The following C1orf141 variants were observed in gnomAD, a reference collection of about 807,000 sequenced individuals.
The protein encoded by C1orf141 is uncharacterized protein C1orf141.
Under a neutral mutation model 23.2 loss-of-function variants are expected in C1orf141, and 19 were observed. The ratio of observed to expected loss-of-function variants is 0.82; its 90% CI spans 0.57 to 1.20. The LOEUF (loss-of-function observed/expected upper bound fraction) is 1.20. Among genes scored for constraint, C1orf141 ranks in the 50% most tolerant of loss-of-function variants. C1orf141 has a pLI of 0.00. For synonymous variants in C1orf141, 153 were observed against 154.6 expected (o/e 0.99, Z 0.08); for missense variants, 469 against 455.1 (o/e 1.03, Z -0.28).
upstream of C1orf141, among the ~76,000 whole-genome samples, chr1:67,136,733 A>T (rs142865912): frequency 9.0e-3 from 1,364 of 152,282 alleles, 22 homozygotes; most frequent in African/African-American, 0.031. Context: ...ATTATCTTTG[A>T]TTTTAGAAAA....
chr1:67,129,039 T>C (rs909793603), intron 2 of C1orf141, among the ~76,000 whole-genome samples: 3 of 152,132 alleles, frequency 2.0e-5, no homozygotes, highest in African/African-American at 7.2e-5. Context: ...TCCTTCACCA[T>C]ACATTGCCCT....
At chr1:67,093,870 C>T (rs770733578) in intron 7 of C1orf141, 28 of 209,636 alleles carry the variant, frequency 1.3e-4, no homozygotes, top group Middle Eastern at 1.7e-3. Context: ...AATTGGAATA[C>T]GAAAAAATTA....
chr1:67,112,314 A>G (rs1646090664), intron 5 of C1orf141, among the ~76,000 whole-genome samples: 2 of 152,208 alleles, frequency 1.3e-5, no homozygotes, highest in African/African-American at 4.8e-5. Context: ...TTGTTGATCA[A>G]CTATATGCCA....
intron 4 of C1orf141, chr1:67,123,523 A>T (rs1350773322): frequency 6.6e-6 from 1 of 152,174 alleles, no homozygotes; most frequent in Non-Finnish European, 1.5e-5. Flanking sequence ...TAACTAAATT[A>T]TAAATTCTGC....
intron 1 of C1orf141, among the ~76,000 whole-genome samples, chr1:67,133,035 A>G (rs2102511925): frequency 6.6e-6 from 1 of 152,388 alleles, no homozygotes; most frequent in South Asian, 2.1e-4. Flanking sequence ...GTAGGTCAAT[A>G]TTATTAGCAT....
intron 3 of C1orf141, among the ~76,000 whole-genome samples, chr1:67,126,336 A>T (rs1329904941): frequency 6.6e-6 from 1 of 152,222 alleles, no homozygotes; most frequent in Non-Finnish European, 1.5e-5. Flanking sequence ...CCAGAAATAG[A>T]GTGAAGAAAG....
intron 5 of C1orf141, among the ~76,000 whole-genome samples, chr1:67,107,977 T>TA (rs1645970970): frequency 6.6e-6 from 1 of 152,144 alleles, no homozygotes; most frequent in African/African-American, 2.4e-5. Context: ...CCTGCCCTCA[T>TA]ATCCTAAAGT....
At chr1:67,102,584 G>A (rs1051432537) in intron 5 of C1orf141, 1 of 152,104 alleles carries the variant, frequency 6.6e-6, no homozygotes, top group Non-Finnish European at 1.5e-5. Context: ...GCAAGGATAG[G>A]AGGACAAGCT....
At position 67,125,810 on chromosome 1, in the gene C1orf141, AC is replaced by A. The variant is rs762356737; in HGVS notation, c.174del (p.Ser59LeufsTer40). 7 of 1,613,906 alleles carry A rather than the reference AC, an allele frequency of 4.3e-6. No homozygotes were observed. In the Admixed American group the frequency reaches 1.0e-4, roughly 23 times the overall value. On this transcript the variant is annotated frameshift_variant, in exon 4 of 8. Transcript: ENST00000684719. LOFTEE classifies it high-confidence loss of function. ...TCTTTGATCTTTGATATTGCCTTAGACGCGGATGTAGCAAGAGCTTCTTCAA... is the reference window on the plus strand; with the variant it reads ...TCTTTGATCTTTGATATTGCCTTAGAGCGGATGTAGCAAGAGCTTCTTCAA... Reference protein sequence around the residue: ...LEFEEALATSASKAISKIKED... With the variant: ...LEFEEALATSXSKAISKIKED...
Position 67,095,951 on chromosome 1 carries a change from A to C in C1orf141, c.416+301T>G, listed in dbSNP as rs370319275. The stretch of plus-strand genomic sequence containing the variant: ...GGAAGGGTTCATGAGAAAAATGAGA[A>C]CTTTATCCAAAGAAAAGCTACTTTT... On this transcript the variant is annotated intron_variant, in intron 6 of 7. Transcript: ENST00000684719. 9 of 211,470 alleles carry C rather than the reference A, an allele frequency of 4.3e-5. 1 individual carries two copies. In the East Asian group the frequency reaches 7.2e-4, roughly 17 times the overall value. The allele number at this position is 211,470 out of a possible 1,614,324, so 13.1% of individuals were successfully genotyped here. A position where few individuals can be genotyped will look rare whatever the true frequency, so the allele number is the denominator to read the frequency against.
At chr1:67,132,853 G>A (rs1646539628) in intron 1 of C1orf141, among the ~76,000 whole-genome samples, 1 of 152,160 alleles carries the variant, frequency 6.6e-6, no homozygotes, top group African/African-American at 2.4e-5. Context: ...TTGGATTTAT[G>A]TTCTTAATTT....
chr1:67,100,139 T>C (rs1645764957), intron 5 of C1orf141, among the ~76,000 whole-genome samples: 2 of 152,170 alleles, frequency 1.3e-5, no homozygotes, highest in Admixed American at 6.5e-5. Flanking sequence ...TATAGAGTAT[T>C]TCCATTATTC....
intron 1 of C1orf141, among the ~76,000 whole-genome samples, chr1:67,134,679 T>C (rs996522228): frequency 2.6e-5 from 4 of 152,122 alleles, no homozygotes; most frequent in African/African-American, 2.4e-5. Flanking sequence ...CTCATTAATA[T>C]TTAGTTTAGA....
At chr1:67,099,636 A>C (rs1451076265) in intron 5 of C1orf141, among the ~76,000 whole-genome samples, 4 of 152,120 alleles carry the variant, frequency 2.6e-5, no homozygotes, top group African/African-American at 9.7e-5. Context: ...AAAATTAGCC[A>C]GGCGTGGTGG....
chr1:67,096,129 T>C (rs897507055), intron 6 of C1orf141, 123 bp downstream of exon 6: 11 of 597,748 alleles, frequency 1.8e-5, no homozygotes, highest in Non-Finnish European at 1.8e-5. Flanking sequence ...GGACCATTCA[T>C]TGGATTGTGC....
Position 67,093,270 on chromosome 1 carries a change from G to A in C1orf141, c.938C>T (p.Thr313Ile). The change falls in exon 8 of 8, where the codon ACA becomes ATA. Residue 313 changes from threonine (T) to isoleucine (I), a missense_variant. Coordinates refer to ENST00000684719, the MANE Select transcript of C1orf141 (RefSeq NM_001276351.2). The part of the protein sequence containing the change: ...KQTLENRSWN[T>I]LYNFSQNFSS... Reference sequence around the variant, plus strand: ...AAAATTCTGTGAGAAATTATAGAGTGTATTCCAAGATCTGTTTTCTAGTGT... The same window carrying A: ...AAAATTCTGTGAGAAATTATAGAGTATATTCCAAGATCTGTTTTCTAGTGT... 6.2e-7 allele frequency: 1 copy of A among 1,613,756 alleles called. No homozygotes were observed.
rs376821050 is a variant in C1orf141, at chr1:67,124,652, G to C, written c.233+1100C>G. 7.2e-5 allele frequency among the ~76,000 whole-genome samples: 11 copies of C among 152,244 alleles called. No individual in the cohort carries two copies. The South Asian group carries it at 1.9e-3, about 26-fold the overall frequency. On this transcript the variant is annotated intron_variant, in intron 4 of 7. Coordinates refer to ENST00000684719, the MANE Select transcript of C1orf141 (RefSeq NM_001276351.2). ...TCATAGTGCTCACGTGGGCTGCCTA[G>C]TGCATAGTGTCATAGCTGCTGCCTG...
chr1:67,121,692 C>T (rs1278867531), intron 4 of C1orf141: 1 of 152,138 alleles, frequency 6.6e-6, no homozygotes, highest in Non-Finnish European at 1.5e-5. Context: ...GTTTAATAAA[C>T]ATCTCACAAA....
chr1:67,095,877 C>G (rs1645668477), intron 6 of C1orf141: 1 of 178,956 alleles, frequency 5.6e-6, no homozygotes, highest in African/African-American at 2.4e-5. Context: ...TTGATTCAAA[C>G]AAAGTTTGAA....
Sources: gnomAD v4.1 joint callset for allele counts (sites outside exome capture counted in the v4.1 genomes callset) on GRCh38, gnomAD v4.1.1 for gene constraint, MANE v1.5 for transcripts, NCBI Gene and HGNC (gene_info 2026-07-23, HGNC 2026-07-21) for gene names.